Variants in ERBB4 observed in about 807,000 individuals in gnomAD.
ERBB4 encodes the protein receptor tyrosine-protein kinase erbB-4.
ERBB4 carries 42 observed loss-of-function variants against 158.0 expected under a neutral mutation model. That is an observed-to-expected ratio of 0.27 (90% confidence interval 0.21 to 0.34). The LOEUF (loss-of-function observed/expected upper bound fraction) is 0.34. Ranked by LOEUF, ERBB4 falls within the 10% of genes least tolerant of loss-of-function variation. The probability of loss-of-function intolerance (pLI) is 1.00; values close to 1 mark genes in which losing one functional copy is unlikely to be tolerated. For missense variants in ERBB4, 1,333 were observed against 1,624.1 expected (o/e 0.82, Z 3.08); for synonymous variants, 583 against 558.7 (o/e 1.04, Z -0.61).
intron 1 of ERBB4, among the ~76,000 whole-genome samples, chr2:212,368,537 A>C (rs771101162): frequency 6.6e-6 from 1 of 152,042 alleles, no homozygotes; most frequent in African/African-American, 2.4e-5. Context: ...GAACTTACTC[A>C]TGTAACCAAA....
intron 2 of ERBB4, among the ~76,000 whole-genome samples, chr2:212,102,401 C>T (rs2079110849): frequency 6.6e-6 from 1 of 151,776 alleles, no homozygotes; most frequent in Non-Finnish European, 1.5e-5. Flanking sequence ...CTTGAAAATG[C>T]CCTTGGCATT....
At chr2:211,759,818 T>A (rs2075366001) in intron 4 of ERBB4, among the ~76,000 whole-genome samples, 1 of 86,110 alleles carries the variant, frequency 1.2e-5, no homozygotes. Context: ...TGTGTGTGTG[T>A]GTGTGTGTGT....
intron 1 of ERBB4, among the ~76,000 whole-genome samples, chr2:212,290,215 T>C (rs1347972122): frequency 6.6e-6 from 1 of 152,122 alleles, no homozygotes; most frequent in Non-Finnish European, 1.5e-5. Flanking sequence ...AATAAAACAA[T>C]GTTCTTTTTG....
intron 1 of ERBB4, among the ~76,000 whole-genome samples, chr2:212,237,316 C>T (rs1217283199): frequency 6.6e-6 from 1 of 152,104 alleles, no homozygotes; most frequent in East Asian, 1.9e-4. Context: ...TGTTAGTTTT[C>T]CTTTTAACAG....
intron 6 of ERBB4, among the ~76,000 whole-genome samples, chr2:211,723,204 G>T (rs186358443): frequency 6.6e-6 from 1 of 151,958 alleles, no homozygotes; most frequent in Non-Finnish European, 1.5e-5. Flanking sequence ...CTGCTGACTC[G>T]TATATTTATA....
intron 1 of ERBB4, among the ~76,000 whole-genome samples, chr2:212,365,445 A>G (rs1417265250): frequency 1.3e-4 from 20 of 151,850 alleles, no homozygotes. Flanking sequence ...AAAGTGAAAC[A>G]ATATTAAGGA....
At chr2:211,444,445 C>G (rs1306014149) in intron 20 of ERBB4, among the ~76,000 whole-genome samples, 2 of 152,010 alleles carry the variant, frequency 1.3e-5, no homozygotes, top group East Asian at 1.9e-4. Context: ...AATTGAATCT[C>G]ACTTATAACA....
chr2:212,410,130 T>C lies in ERBB4; in HGVS notation c.82+128319A>G, dbSNP rs1395850009. Among the ~76,000 whole-genome samples the C allele has an allele frequency of 2.0e-5, 3 of 152,086 alleles. No homozygotes were observed. In the East Asian group the frequency reaches 5.8e-4, roughly 29 times the overall value. The stretch of plus-strand genomic sequence containing the variant: ...TTAAAGATAGAAGTGACACATTTTA[T>C]ACAGCTATACAATGTAATCACCAAA... On this transcript the variant is annotated intron_variant, in intron 1 of 27. Coordinates refer to ENST00000342788, the MANE Select transcript of ERBB4 (RefSeq NM_005235.3).
At chr2:211,914,411 G>C (rs2079630292) in intron 3 of ERBB4, among the ~76,000 whole-genome samples, 1 of 151,964 alleles carries the variant, frequency 6.6e-6, no homozygotes, top group Non-Finnish European at 1.5e-5. Context: ...TAAAATCAAA[G>C]CTAGAAAACA....
At chr2:211,531,979 C>G (rs961310736) in intron 20 of ERBB4, among the ~76,000 whole-genome samples, 1 of 152,040 alleles carries the variant, frequency 6.6e-6, no homozygotes, top group Non-Finnish European at 1.5e-5. Context: ...GAGATCCTGT[C>G]ATTTGCAACA....
intron 22 of ERBB4, among the ~76,000 whole-genome samples, chr2:211,425,921 C>T (rs1244894669): frequency 6.6e-6 from 1 of 151,986 alleles, no homozygotes; most frequent in Non-Finnish European, 1.5e-5. Flanking sequence ...TGGGTTTGAG[C>T]CATCTGCCCA....
At chr2:211,841,392 T>C (rs947574150) in intron 3 of ERBB4, among the ~76,000 whole-genome samples, 1 of 152,074 alleles carries the variant, frequency 6.6e-6, no homozygotes, top group African/African-American at 2.4e-5. Context: ...ATTATGGTTC[T>C]GAAATATTGT....
chr2:212,301,256 T>C (rs2086610934), intron 1 of ERBB4, among the ~76,000 whole-genome samples: 1 of 151,410 alleles, frequency 6.6e-6, no homozygotes, highest in South Asian at 2.1e-4. Flanking sequence ...TATTATATTA[T>C]CGCTTCTATT....
chr2:211,735,049 A>G (rs985528591), intron 5 of ERBB4, among the ~76,000 whole-genome samples: 1 of 152,144 alleles, frequency 6.6e-6, no homozygotes, highest in Non-Finnish European at 1.5e-5. Context: ...CACAGAACAA[A>G]ATCCCACAAC....
intron 4 of ERBB4, among the ~76,000 whole-genome samples, chr2:211,762,905 T>C (rs959619356): frequency 3.3e-5 from 5 of 152,192 alleles, no homozygotes; most frequent in Non-Finnish European, 5.9e-5. Context: ...CCCACCATCA[T>C]TGTATCACTA....
chr2:212,421,530 A>G (rs1292576745), intron 1 of ERBB4, among the ~76,000 whole-genome samples: 2 of 152,178 alleles, frequency 1.3e-5, no homozygotes, highest in Non-Finnish European at 2.9e-5. Context: ...TATATGAGAA[A>G]CCACTTTCCT....
intron 1 of ERBB4, among the ~76,000 whole-genome samples, chr2:212,522,867 A>T (rs1451947129): frequency 6.6e-6 from 1 of 151,988 alleles, no homozygotes; most frequent in Non-Finnish European, 1.5e-5. Context: ...GAGGCACCAG[A>T]CGTAATGCAT....
intron 1 of ERBB4, among the ~76,000 whole-genome samples, chr2:212,475,325 C>T (rs549948447): frequency 3.2e-4 from 48 of 152,262 alleles, no homozygotes; most frequent in African/African-American, 8.4e-4. Flanking sequence ...TTTTCTTGCA[C>T]GAGGCCCTGC....
chr2:211,924,299 C>A (rs1017101800), intron 3 of ERBB4, among the ~76,000 whole-genome samples: 8 of 152,016 alleles, frequency 5.3e-5, no homozygotes, highest in African/African-American at 1.9e-4. Context: ...AATTTTTACT[C>A]AGAAAAGGTT....
Sources: allele counts gnomAD v4.1 joint callset (sites outside exome capture counted in the v4.1 genomes callset), GRCh38; gene constraint gnomAD v4.1.1; transcripts MANE v1.5; gene names NCBI Gene and HGNC (gene_info 2026-07-23, HGNC 2026-07-21).